The following ACTR6 variants were observed in gnomAD, a reference collection of about 807,000 sequenced individuals.
ACTR6 encodes actin-related protein 6.
Under a neutral mutation model 52.5 loss-of-function variants are expected in ACTR6, and 50 were observed. The observed-to-expected ratio is 0.95, with a 90% CI of 0.76 to 1.20. The LOEUF is 1.20. ACTR6 is among the 50% of genes most tolerant of loss of function. The pLI, the probability that ACTR6 is intolerant of heterozygous loss-of-function variation, is 0.00. For synonymous variants in ACTR6, 135 were observed against 147.2 expected (o/e 0.92, Z 0.60); for missense variants, 344 against 472.4 (o/e 0.73, Z 2.52).
At chr12:100,201,041 G>T in intron 1 of ACTR6, 122 bp downstream of exon 1, 1 of 1,560,918 alleles carries the variant, frequency 6.4e-7, no homozygotes, top group Non-Finnish European at 8.7e-7. Context: ...TAGCCAGAGG[G>T]ATTCCCTGGT....
intron 6 of ACTR6, among the ~76,000 whole-genome samples, chr12:100,210,906 C>A (rs1406999825): frequency 1.3e-5 from 2 of 152,098 alleles, no homozygotes; most frequent in African/African-American, 2.4e-5. Context: ...TGTATTTGCT[C>A]CCTGACTGTG....
Position 100,212,402 on chromosome 12 carries a change from T to C in ACTR6, c.671+48T>C, listed in dbSNP as rs2096120535. On this transcript the variant is annotated intron_variant, in intron 7 of 10. Transcript: ENST00000188312. ...AATTGGAAAGTAGATTGTTAGGGGA[T>C]GTTACACATAATTAGAATGTTTCAT... 3.1e-6 allele frequency: 5 copies of C among 1,592,868 alleles called. No homozygotes were observed. In the African/African-American group the frequency reaches 5.4e-5, roughly 17 times the overall value.
chr12:100,218,359 T>C lies in ACTR6; in HGVS notation c.751-56T>C, dbSNP rs1291763356. On this transcript the variant is annotated intron_variant, in intron 8 of 10. Transcript: ENST00000188312. This position sits in a 1 kb window ranked among gnomAD's most constrained non-coding sequence, Gnocchi z 4.2. The stretch of plus-strand genomic sequence containing the variant: ...ATATATAATTGCATATTACTAATTA[T>C]TAGTCATGTGAGCTAGATAATATAA... The C allele has an allele frequency of 4.6e-6, 6 of 1,291,098 alleles. No individual in the cohort carries two copies. The Admixed American group carries it at 1.3e-4, about 28-fold the overall frequency. The allele number at this position is 1,291,098 out of a possible 1,614,324, so 80.0% of individuals were successfully genotyped here.
chr12:100,210,303 T>G lies in ACTR6; in HGVS notation c.524T>G (p.Val175Gly). The change falls in exon 6 of 11, where the codon GTG becomes GGG. Residue 175 changes from valine to glycine, a missense_variant. By Grantham distance (109) the Val-to-Gly change is moderately radical. Transcript: ENST00000188312. ...GAGTTCTCCCCTTGCAGGATAAATGTGGGAGGAAAACTCTTAACCAATCAT... is the reference window on the plus strand; with the variant it reads ...GAGTTCTCCCCTTGCAGGATAAATGGGGGAGGAAAACTCTTAACCAATCAT... Reference protein sequence around the residue: ...KKKEAIIRINVGGKLLTNHLK... With the variant: ...KKKEAIIRINGGGKLLTNHLK... 4 of 1,614,078 alleles carry G rather than the reference T, an allele frequency of 2.5e-6. No individual in the cohort carries two copies. The highest frequency in any genetic ancestry group is 3.4e-6 in the Non-Finnish European group (4 of 1,179,952).
chr12:100,201,284 T>G (rs1391690), intron 1 of ACTR6, among the ~76,000 whole-genome samples: 9,597 of 152,268 alleles, frequency 0.063, 333 homozygotes, highest in Middle Eastern at 0.14. Flanking sequence ...TACAAGATTA[T>G]AGGTTTCATT....
At chr12:100,208,424 C>T (rs566894415) in intron 4 of ACTR6, among the ~76,000 whole-genome samples, 5 of 150,648 alleles carry the variant, frequency 3.3e-5, no homozygotes, top group East Asian at 2.0e-4. Flanking sequence ...TACAGGCGTT[C>T]GCCACCATGC....
chr12:100,223,183 C>CA (rs201981419), intron 10 of ACTR6, among the ~76,000 whole-genome samples: 17 of 151,760 alleles, frequency 1.1e-4, no homozygotes, highest in South Asian at 2.1e-4. Flanking sequence ...ACTAAAAATA[C>CA]AAAAAAAATT....
intron 8 of ACTR6, among the ~76,000 whole-genome samples, chr12:100,216,382 G>A (rs1213169880): frequency 1.3e-5 from 2 of 152,220 alleles, no homozygotes; most frequent in Admixed American, 1.3e-4. Context: ...GCCCAGGCTA[G>A]CCTCAACTCC....
chr12:100,201,080 T>C, intron 1 of ACTR6, 161 bp downstream of exon 1: 2 of 1,463,214 alleles, frequency 1.4e-6, no homozygotes, highest in South Asian at 2.7e-5. Flanking sequence ...TGTGATGCTT[T>C]GAATTGAAAT....
chr12:100,201,023 C>T, intron 1 of ACTR6, 104 bp downstream of exon 1: 1 of 1,587,876 alleles, frequency 6.3e-7, no homozygotes, highest in Non-Finnish European at 8.6e-7. Flanking sequence ...CCCCGCGCGG[C>T]CCTGACTTAG....
chr12:100,221,129 A>G (rs1237087711), intron 10 of ACTR6, among the ~76,000 whole-genome samples: 1 of 152,168 alleles, frequency 6.6e-6, no homozygotes, highest in Non-Finnish European at 1.5e-5. Context: ...GAGTTGGCAA[A>G]TGCCCTATGG....
rs1337341834 is a variant in ACTR6 at position 100,212,430 on chromosome 12, A to G, written c.672-20A>G. 2 of 1,608,572 alleles carry G rather than the reference A, an allele frequency of 1.2e-6. No homozygotes were observed. The highest frequency in any genetic ancestry group is 3.3e-5 in the Admixed American group (2 of 59,830). ...TACACATAATTAGAATGTTTCATAA[A>G]TCTCAATTTTGTTTTCCAGGTTGAA... On this transcript the variant is annotated intron_variant, in intron 7 of 10. Coordinates refer to ENST00000188312, the MANE Select transcript of ACTR6 (RefSeq NM_022496.5).
intron 1 of ACTR6, among the ~76,000 whole-genome samples, chr12:100,202,041 C>A (rs532662799): frequency 6.6e-6 from 1 of 152,006 alleles, no homozygotes; most frequent in African/African-American, 2.4e-5. Context: ...AAGCCATTCT[C>A]ATGCCTCAGC....
rs1406321788 is a variant in ACTR6, at chr12:100,207,679, CTAA to C, written c.275_277del (p.Asn92del). On this transcript the variant is annotated inframe_deletion, in exon 4 of 11. Coordinates refer to ENST00000188312, the MANE Select transcript of ACTR6 (RefSeq NM_022496.5). The stretch of plus-strand genomic sequence containing the variant: ...CTCCTATAGGTTGATTTTTTAGATA[CTAA>C]TATTATTATCACTGAACCATACTTT... 2.0e-6 allele frequency: 3 copies of C among 1,529,684 alleles called. No individual in the cohort carries two copies. The highest frequency in any genetic ancestry group is 2.7e-6 in the Non-Finnish European group (3 of 1,123,098). 94.8% of individuals were successfully genotyped at this position (1,529,684 alleles called of 1,614,324 possible).
intron 8 of ACTR6, among the ~76,000 whole-genome samples, chr12:100,215,943 G>T (rs999702251): frequency 6.6e-6 from 1 of 152,026 alleles, no homozygotes; most frequent in South Asian, 2.1e-4. Context: ...AGCACTAATG[G>T]TAGTAACAAT....
chr12:100,220,250 A>G, intron 10 of ACTR6, 104 bp downstream of exon 10: 1 of 1,077,234 alleles, frequency 9.3e-7, no homozygotes, highest in Non-Finnish European at 1.4e-6. Context: ...TGGCAGGTTC[A>G]TTTCACCTGC....
At position 100,207,826 on chromosome 12, in the gene ACTR6, T is replaced by C. The variant is rs763587009; in HGVS notation, c.379+40T>C. 6.4e-6 allele frequency: 10 copies of C among 1,571,090 alleles called. No homozygotes were observed. In the African/African-American group the frequency reaches 1.1e-4, roughly 17 times the overall value. ...TCACTGAAATTGAGTTATATGACTA[T>C]GGATATGAATAGGGTAATACTCATA... On this transcript the variant is annotated intron_variant, in intron 4 of 10. Coordinates refer to ENST00000188312, the MANE Select transcript of ACTR6 (RefSeq NM_022496.5).
At chr12:100,219,414 T>C (rs2096126382) in intron 9 of ACTR6, among the ~76,000 whole-genome samples, 1 of 152,194 alleles carries the variant, frequency 6.6e-6, no homozygotes, top group Non-Finnish European at 1.5e-5. Context: ...AGTGGTGTTT[T>C]GAAGGCTTTA....
intron 10 of ACTR6, among the ~76,000 whole-genome samples, chr12:100,223,459 T>A (rs1478690348): frequency 6.6e-6 from 1 of 152,256 alleles, no homozygotes; most frequent in African/African-American, 2.4e-5. Context: ...GTTTTTCCTT[T>A]TAGGCATCTT....
Sources: gnomAD v4.1 joint callset for allele counts (sites outside exome capture counted in the v4.1 genomes callset) on GRCh38, gnomAD v4.1.1 for gene constraint, Gnocchi (gnomAD v3.1) non-coding constraint, MANE v1.5 for transcripts, NCBI Gene and HGNC (gene_info 2026-07-23, HGNC 2026-07-21) for gene names.